TMPRSS15: variants seen among roughly 807,000 people sequenced by gnomAD.
The protein encoded by TMPRSS15 is enteropeptidase.
Under a neutral mutation model 125.3 loss-of-function variants are expected in TMPRSS15, and 128 were observed. The observed-to-expected ratio is 1.02, with a 90% CI of 0.89 to 1.18. TMPRSS15 has a LOEUF of 1.18. Ranked by LOEUF, TMPRSS15 falls within the 50% of genes most tolerant of loss-of-function variation. The probability of loss-of-function intolerance (pLI) is 0.00; values close to 1 mark genes in which losing one functional copy is unlikely to be tolerated. For missense variants in TMPRSS15, 1,283 were observed against 1,212.7 expected (o/e 1.06, Z -0.86); for synonymous variants, 446 against 423.2 (o/e 1.05, Z -0.66).
At chr21:18,474,080 C>T (rs1014905853) in intron 1 of TMPRSS15, among the ~76,000 whole-genome samples, 1 of 151,962 alleles carries the variant, frequency 6.6e-6, no homozygotes. Flanking sequence ...GGCAGTTTTT[C>T]ACTACACTGT....
At chr21:18,342,783 C>T (rs2075462053) in intron 12 of TMPRSS15, among the ~76,000 whole-genome samples, 1 of 152,134 alleles carries the variant, frequency 6.6e-6, no homozygotes, top group South Asian at 2.1e-4. Flanking sequence ...TTAATTATTG[C>T]CTTACACCAA....
At chr21:18,343,830 G>A in intron 11 of TMPRSS15, 125 bp downstream of exon 11, 1 of 1,172,818 alleles carries the variant, frequency 8.5e-7, no homozygotes, top group Non-Finnish European at 1.3e-6. Context: ...TATCAGTTGG[G>A]AAAAGTAATA....
chr21:18,385,497 C>T (rs1301754698), intron 3 of TMPRSS15, among the ~76,000 whole-genome samples: 1 of 152,070 alleles, frequency 6.6e-6, no homozygotes, highest in Non-Finnish European at 1.5e-5. Flanking sequence ...TTCTGGAAAA[C>T]TTTTTTATAT....
intron 3 of TMPRSS15, among the ~76,000 whole-genome samples, chr21:18,392,741 C>T (rs1222452009): frequency 2.0e-5 from 3 of 152,178 alleles, no homozygotes; most frequent in Non-Finnish European, 4.4e-5. Context: ...AATTGACTCA[C>T]AGTTCTGCAT....
intron 16 of TMPRSS15, among the ~76,000 whole-genome samples, chr21:18,323,301 T>G (rs113707577): frequency 1.1e-4 from 16 of 152,194 alleles, no homozygotes; most frequent in African/African-American, 3.9e-4. Context: ...ATTAATGGAC[T>G]TGCTGTTCCA....
chr21:18,270,131 A>C lies in TMPRSS15; in HGVS notation c.2905-7T>G. 6.2e-7 allele frequency: 1 copy of C among 1,613,522 alleles called. No individual in the cohort carries two copies. The highest frequency in any genetic ancestry group is 8.5e-7 in the Non-Finnish European group (1 of 1,179,604). ...ATGGTCCTCCTGAATCCCCCTAAAGAGTGAATTGCAAAACAAAATTGTAGA... is the reference window on the plus strand; with the variant it reads ...ATGGTCCTCCTGAATCCCCCTAAAGCGTGAATTGCAAAACAAAATTGTAGA... On this transcript the variant is annotated splice_polypyrimidine_tract_variant and splice_region_variant and intron_variant, in intron 24 of 24. Transcript: ENST00000284885.
intron 19 of TMPRSS15, among the ~76,000 whole-genome samples, chr21:18,295,880 C>T (rs535510996): frequency 6.6e-6 from 1 of 152,272 alleles, no homozygotes; most frequent in African/African-American, 2.4e-5. Context: ...AGGCCGGGCG[C>T]GGTGGCTCAC....
chr21:18,331,420 T>A (rs569049296), intron 14 of TMPRSS15, among the ~76,000 whole-genome samples: 75 of 152,342 alleles, frequency 4.9e-4, no homozygotes, highest in Non-Finnish European at 8.1e-4. Context: ...GGCTAGGGAA[T>A]CTGCATCTCC....
At chr21:18,353,084 A>C in intron 9 of TMPRSS15, 32 bp from the exon 10 acceptor site, 1 of 1,591,576 alleles carries the variant, frequency 6.3e-7, no homozygotes, top group Non-Finnish European at 8.6e-7. Context: ...GAATAAAAAA[A>C]ATTTAGTCCA....
In TMPRSS15 at chr21:18,440,372, C is replaced by CAAAAAAAA. The variant is rs539968323; in HGVS notation, c.11-42051_11-42044dup. ...TGGGCGACAGAGCGAAACTCCGTCT[C>CAAAAAAAA]AAAAAAAAAAAAAAAAAGAAAACTG... On this transcript the variant is annotated intron_variant, in intron 1 of 7. Transcript: ENST00000422787. 1.7e-3 allele frequency among the ~76,000 whole-genome samples: 82 copies of CAAAAAAAA among 47,330 alleles called. 1 individual carries two copies. Among genetic ancestry groups the CAAAAAAAA allele is most frequent in the South Asian group, 7.4e-3 (7 of 942 alleles). The allele number at this position is 47,330 out of a possible 152,430, so 31.1% of individuals were successfully genotyped here.
At chr21:18,344,338 T>G (rs571472723) in intron 10 of TMPRSS15, among the ~76,000 whole-genome samples, 3 of 152,192 alleles carry the variant, frequency 2.0e-5, no homozygotes, top group East Asian at 1.9e-4. Flanking sequence ...TCTGACTTAT[T>G]ATGAGTCACT....
intron 4 of TMPRSS15, among the ~76,000 whole-genome samples, chr21:18,382,897 T>TA (rs2075905811): frequency 2.0e-5 from 3 of 152,330 alleles, no homozygotes; most frequent in African/African-American, 7.2e-5. Context: ...TCGTATTTTT[T>TA]ATTATTTTTG....
chr21:18,282,989 G>A (rs770993917), intron 21 of TMPRSS15, among the ~76,000 whole-genome samples: 3 of 152,162 alleles, frequency 2.0e-5, no homozygotes, highest in Non-Finnish European at 4.4e-5. Context: ...GCTCCTAGTG[G>A]TTGGTGGCAG....
At chr21:18,322,717 G>A (rs1308954398) in intron 16 of TMPRSS15, among the ~76,000 whole-genome samples, 1 of 152,128 alleles carries the variant, frequency 6.6e-6, no homozygotes, top group Non-Finnish European at 1.5e-5. Flanking sequence ...GTCACCAGAG[G>A]CTGAGAAGGG....
intron 3 of TMPRSS15, among the ~76,000 whole-genome samples, chr21:18,387,029 A>G (rs564511369): frequency 1.3e-5 from 2 of 152,336 alleles, no homozygotes; most frequent in Admixed American, 1.3e-4. Flanking sequence ...ATACTTTGCA[A>G]GGATAGGAGT....
chr21:18,454,875 G>T (rs1978410311), intron 1 of TMPRSS15, among the ~76,000 whole-genome samples: 1 of 151,896 alleles, frequency 6.6e-6, no homozygotes, highest in South Asian at 2.1e-4. Context: ...TAGCTATCTG[G>T]TGTTCCTTAG....
chr21:18,358,560 G>T (rs1601386130), intron 8 of TMPRSS15, among the ~76,000 whole-genome samples: 1 of 151,806 alleles, frequency 6.6e-6, no homozygotes, highest in South Asian at 2.1e-4. Flanking sequence ...CTTACCATGA[G>T]TTCACATGTT....
intron 1 of TMPRSS15, among the ~76,000 whole-genome samples, chr21:18,468,275 T>C (rs1374910253): frequency 2.6e-5 from 4 of 152,144 alleles, no homozygotes; most frequent in African/African-American, 7.2e-5. Context: ...CTCAGTGCTA[T>C]AGCTTTTCCT....
chr21:18,302,284 GA>G (rs1377614804), intron 18 of TMPRSS15, among the ~76,000 whole-genome samples: 2 of 152,184 alleles, frequency 1.3e-5, no homozygotes, highest in African/African-American at 4.8e-5. Flanking sequence ...AGATTGGAGG[GA>G]AAGAAGGGGA....
Sources: gnomAD v4.1 joint callset for allele counts (sites outside exome capture counted in the v4.1 genomes callset) on GRCh38, gnomAD v4.1.1 for gene constraint, MANE v1.5 for transcripts, NCBI Gene and HGNC (gene_info 2026-07-23, HGNC 2026-07-21) for gene names.